Variants in ALPK1 observed in about 807,000 individuals in gnomAD.
ALPK1 encodes the protein alpha-protein kinase 1.
A neutral mutation model predicts 120.6 loss-of-function variants in ALPK1; 110 were observed. That is an observed-to-expected ratio of 0.91 (90% CI 0.78 to 1.07). ALPK1 has a LOEUF of 1.07. Ranked by LOEUF, ALPK1 falls within the 50% of genes least tolerant of loss-of-function variation. The pLI, the probability that ALPK1 is intolerant of heterozygous loss-of-function variation, is 0.00. For synonymous variants in ALPK1, 582 were observed against 560.3 expected (o/e 1.04, Z -0.55); for missense variants, 1,498 against 1,483.9 (o/e 1.01, Z -0.16).
chr4:112,432,227 G>T lies in ALPK1; in HGVS notation c.2680G>T (p.Gly894Cys), dbSNP rs375839432. Residue 894 changes from glycine (G) to cysteine (C), a missense_variant, in exon 11 of 16, where the codon GGT (glycine) becomes TGT (cysteine). Gly to Cys is a radical substitution (Grantham distance 159). Transcript: ENST00000650871. ...RAETPNSSVS[G>C]NILFPVLSED... Reference sequence around the variant, plus strand: ...GGAGACCCCCAATTCCTCTGTAAGCGGTAACATCCTCTTCCCTGTCCTCAG... The same window carrying T: ...GGAGACCCCCAATTCCTCTGTAAGCTGTAACATCCTCTTCCCTGTCCTCAG... 1 of 1,614,064 alleles carries T rather than the reference G, an allele frequency of 6.2e-7. No homozygotes were observed. Among genetic ancestry groups the T allele is most frequent in the Non-Finnish European group, 8.5e-7 (1 of 1,180,048 alleles).
chr4:112,297,685 A>C (rs1727600508), intron 1 of ALPK1, among the ~76,000 whole-genome samples: 2 of 151,892 alleles, frequency 1.3e-5, no homozygotes, highest in Non-Finnish European at 2.9e-5. Flanking sequence ...AAGGGGAGGG[A>C]GAGAAGGGAA....
intron 2 of ALPK1, among the ~76,000 whole-genome samples, chr4:112,339,601 CTTTGT>C (rs1189527899): frequency 2.0e-5 from 3 of 152,006 alleles, no homozygotes; most frequent in Admixed American, 6.6e-5. Context: ...ACTAATTTTC[CTTTGT>C]TTTAACTAAA....
At chr4:112,304,820 T>A (rs1035592963) in intron 1 of ALPK1, among the ~76,000 whole-genome samples, 15 of 152,150 alleles carry the variant, frequency 9.9e-5, no homozygotes, top group African/African-American at 3.6e-4. Flanking sequence ...ATGAAGTCCT[T>A]GCCCATGCCT....
chr4:112,304,892 T>G (rs1269709446), intron 1 of ALPK1, among the ~76,000 whole-genome samples: 12 of 152,272 alleles, frequency 7.9e-5, no homozygotes, highest in Non-Finnish European at 1.6e-4. Flanking sequence ...GGTCTAACGT[T>G]TAAGTCTTTA....
intron 4 of ALPK1, among the ~76,000 whole-genome samples, chr4:112,390,075 A>C (rs150243781): frequency 1.8e-4 from 27 of 152,332 alleles, no homozygotes; most frequent in African/African-American, 6.5e-4. Flanking sequence ...GTGTTTGTGC[A>C]AACTACAACT....
At chr4:112,362,150 A>T (rs1017673137) in intron 2 of ALPK1, among the ~76,000 whole-genome samples, 12 of 152,234 alleles carry the variant, frequency 7.9e-5, no homozygotes, top group Non-Finnish European at 1.5e-5. Context: ...AACCAGACAA[A>T]CAATTCTGGT....
chr4:112,428,540 G>A (rs1345351725), intron 9 of ALPK1, among the ~76,000 whole-genome samples: 3 of 152,174 alleles, frequency 2.0e-5, no homozygotes, highest in Non-Finnish European at 4.4e-5. Context: ...GTTCACTGAA[G>A]TTATCCCTGA....
At chr4:112,320,393 C>T (rs1728815697) in intron 2 of ALPK1, among the ~76,000 whole-genome samples, 1 of 152,138 alleles carries the variant, frequency 6.6e-6, no homozygotes, top group Admixed American at 6.5e-5. Context: ...TGGTATGAAA[C>T]CCACTTTATC....
intron 2 of ALPK1, among the ~76,000 whole-genome samples, chr4:112,321,204 C>A (rs1477560989): frequency 1.3e-5 from 2 of 151,834 alleles, no homozygotes; most frequent in Non-Finnish European, 2.9e-5. Context: ...GCCAATATCA[C>A]CCGTTTCTTT....
At chr4:112,341,630 A>T (rs1729867542) in intron 2 of ALPK1, among the ~76,000 whole-genome samples, 1 of 152,236 alleles carries the variant, frequency 6.6e-6, no homozygotes, top group Admixed American at 6.5e-5. Flanking sequence ...TCCAATAATG[A>T]TGTGCGAGAT....
At position 112,431,469 on chromosome 4, in the gene ALPK1, T is replaced by G; in HGVS notation, c.1922T>G (p.Leu641Trp). 1 of 1,614,190 alleles carries G rather than the reference T, an allele frequency of 6.2e-7. No homozygotes were observed. Among genetic ancestry groups the G allele is most frequent in the Non-Finnish European group, 8.5e-7 (1 of 1,180,030 alleles). ...AGGGAAGGCAGAGCTATGCATTCATTGCATTCACAGCTTCATGATCTCTCT... is the reference window on the plus strand; with the variant it reads ...AGGGAAGGCAGAGCTATGCATTCATGGCATTCACAGCTTCATGATCTCTCT... ...NDREGRAMHS[L>W]HSQLHDLSLQ... Residue 641 changes from leucine to tryptophan, a missense_variant, in exon 11 of 16, where the codon TTG becomes TGG. By Grantham distance (61) the Leu-to-Trp change is moderately conservative. Transcript: ENST00000650871.
intron 2 of ALPK1, chr4:112,358,784 C>T: frequency 1.2e-6 from 1 of 826,220 alleles, no homozygotes; most frequent in Admixed American, 1.7e-5. Flanking sequence ...CCAAGCTCTT[C>T]ATGGTGGCCA....
At chr4:112,420,149 C>T (rs1249475521) in intron 5 of ALPK1, among the ~76,000 whole-genome samples, 1 of 152,212 alleles carries the variant, frequency 6.6e-6, no homozygotes, top group African/African-American at 2.4e-5. Flanking sequence ...ACAGGCAAAA[C>T]CTCCTGCTGT....
At chr4:112,344,422 G>A (rs1730016163) in intron 2 of ALPK1, among the ~76,000 whole-genome samples, 1 of 152,188 alleles carries the variant, frequency 6.6e-6, no homozygotes, top group Admixed American at 6.5e-5. Flanking sequence ...TTCTAGTATA[G>A]TTAAAGTATG....
At position 112,430,533 on chromosome 4, in the gene ALPK1, A is replaced by T. The variant is rs769572057; in HGVS notation, c.986A>T (p.Lys329Ile). Residue 329 changes from lysine (K) to isoleucine (I), a missense_variant, in exon 11 of 16, where the codon AAA becomes ATA. Lys to Ile is a moderately radical substitution (Grantham distance 102). Transcript: ENST00000650871. ...ELKNLHLCEA[K>I]EAFEIGLLTK... ...AAAAACTTACATCTGTGTGAAGCCA[A>T]AGAGGCCTTTGAGATTGGCCTCCTC... The T allele has an allele frequency of 6.2e-7, 1 of 1,614,168 alleles. No individual in the cohort carries two copies. The highest frequency in any genetic ancestry group is 1.1e-5 in the South Asian group (1 of 91,084).
intron 5 of ALPK1, 27 bp from the exon 6 acceptor site, chr4:112,423,917 G>A (rs1432583344): frequency 1.2e-6 from 2 of 1,613,070 alleles, no homozygotes; most frequent in Admixed American, 1.7e-5. Context: ...AAAGCTAATT[G>A]TGTGGCATTT....
intron 1 of ALPK1, among the ~76,000 whole-genome samples, chr4:112,301,952 C>CCTT (rs1727806135): frequency 6.6e-6 from 1 of 152,112 alleles, no homozygotes; most frequent in African/African-American, 2.4e-5. Context: ...GACAACTGAA[C>CCTT]CTTCACTCGA....
At chr4:112,319,485 C>T (rs932318593) in intron 2 of ALPK1, among the ~76,000 whole-genome samples, 2 of 152,124 alleles carry the variant, frequency 1.3e-5, no homozygotes, top group African/African-American at 2.4e-5. Context: ...GTGATGCCTA[C>T]GGATTTGTTC....
chr4:112,358,963 AC>A (rs1730780698), intron 2 of ALPK1: 1 of 768,934 alleles, frequency 1.3e-6, no homozygotes, highest in Non-Finnish European at 2.4e-6. Flanking sequence ...GTGCAGCCCC[AC>A]CACAAGCAGC....
Sources: gnomAD v4.1 joint callset for allele counts (sites outside exome capture counted in the v4.1 genomes callset) on GRCh38, gnomAD v4.1.1 for gene constraint, MANE v1.5 for transcripts, NCBI Gene and HGNC (gene_info 2026-07-23, HGNC 2026-07-21) for gene names.